The following PTPRD variants were observed in gnomAD, a reference collection of about 807,000 sequenced individuals.
PTPRD encodes the protein protein tyrosine phosphatase receptor type D, also known as receptor-type tyrosine-protein phosphatase delta.
PTPRD carries 34 observed loss-of-function variants against 214.5 expected under a neutral mutation model. The ratio of observed to expected loss-of-function variants is 0.16; its 90% CI spans 0.12 to 0.21. The LOEUF is 0.21. Among genes scored for constraint, PTPRD ranks in the 10% least tolerant of loss-of-function variants. PTPRD has a pLI of 1.00. For missense variants in PTPRD, 2,545 were observed against 2,398.7 expected (o/e 1.06, Z -1.27); for synonymous variants, 1,128 against 845.7 (o/e 1.33, Z -5.79).
At chr9:10,044,311 A>C (rs1398580538) in intron 3 of PTPRD, among the ~76,000 whole-genome samples, 1 of 151,860 alleles carries the variant, frequency 6.6e-6, no homozygotes, top group Non-Finnish European at 1.5e-5. Flanking sequence ...TAGAGGATAT[A>C]AATTATGCTA....
intron 12 of PTPRD, among the ~76,000 whole-genome samples, chr9:8,686,205 C>A (rs751908362): frequency 2.0e-5 from 3 of 152,174 alleles, no homozygotes; most frequent in African/African-American, 7.2e-5. Context: ...ACCTTTAAGA[C>A]ATCATGTTGT....
chr9:10,240,093 A>G (rs1048189396), intron 3 of PTPRD, among the ~76,000 whole-genome samples: 7 of 151,914 alleles, frequency 4.6e-5, no homozygotes, highest in African/African-American at 1.7e-4. Flanking sequence ...GTCCCACCCA[A>G]TCTATTAGCA....
intron 5 of PTPRD, among the ~76,000 whole-genome samples, chr9:9,788,450 G>T (rs1427217016): frequency 6.6e-6 from 1 of 151,086 alleles, no homozygotes; most frequent in African/African-American, 2.4e-5. Context: ...TGCTGGGGAG[G>T]CTGAGGCAGG....
chr9:9,649,389 T>C (rs1168913828), intron 7 of PTPRD, among the ~76,000 whole-genome samples: 3 of 152,176 alleles, frequency 2.0e-5, no homozygotes, highest in African/African-American at 7.2e-5. Flanking sequence ...AAAATTTGAA[T>C]GGCAGCAGTG....
intron 3 of PTPRD, among the ~76,000 whole-genome samples, chr9:10,187,779 C>T (rs1373904779): frequency 1.3e-5 from 2 of 152,178 alleles, no homozygotes; most frequent in African/African-American, 4.8e-5. Context: ...TTGTAGCTGA[C>T]CCCAGGACTT....
At chr9:9,338,661 T>A (rs961137687) in intron 9 of PTPRD, among the ~76,000 whole-genome samples, 1 of 152,168 alleles carries the variant, frequency 6.6e-6, no homozygotes, top group African/African-American at 2.4e-5. Flanking sequence ...CTTCTCATTA[T>A]CAATATTTGT....
At chr9:10,132,962 T>TGAAAAGC (rs753864227) in intron 3 of PTPRD, among the ~76,000 whole-genome samples, 3 of 151,632 alleles carry the variant, frequency 2.0e-5, no homozygotes, top group African/African-American at 4.8e-5. Context: ...AGATTGTTAT[T>TGAAAAGC]TTGTAGCTTC....
At chr9:9,293,979 C>T (rs1282457378) in intron 9 of PTPRD, among the ~76,000 whole-genome samples, 2 of 151,492 alleles carry the variant, frequency 1.3e-5, no homozygotes, top group African/African-American at 2.4e-5. Flanking sequence ...AGTACTCTTG[C>T]ACTTTGGGGT....
chr9:9,322,488 T>C (rs1966941660), intron 9 of PTPRD, among the ~76,000 whole-genome samples: 1 of 152,188 alleles, frequency 6.6e-6, no homozygotes, highest in African/African-American at 2.4e-5. Flanking sequence ...ACACCTTAAA[T>C]ATGTCACTAT....
chr9:10,372,940 C>T (rs545851786), intron 2 of PTPRD, among the ~76,000 whole-genome samples: 1 of 151,112 alleles, frequency 6.6e-6, no homozygotes, highest in Non-Finnish European at 1.5e-5. Context: ...TCAAGCAATT[C>T]TCCTGCCTCA....
At chr9:9,356,203 G>C (rs1252139161) in intron 9 of PTPRD, among the ~76,000 whole-genome samples, 3 of 151,290 alleles carry the variant, frequency 2.0e-5, no homozygotes, top group Non-Finnish European at 4.4e-5. Flanking sequence ...AGAGGAAATG[G>C]GGACAAGACA....
intron 3 of PTPRD, among the ~76,000 whole-genome samples, chr9:10,189,714 G>C (rs2099354037): frequency 6.6e-6 from 1 of 151,966 alleles, no homozygotes; most frequent in African/African-American, 2.4e-5. Flanking sequence ...TTTTAAAAGG[G>C]CAATTACAAG....
chr9:8,380,073 T>A (rs985557956), intron 37 of PTPRD, among the ~76,000 whole-genome samples: 1 of 152,098 alleles, frequency 6.6e-6, no homozygotes. Flanking sequence ...TTGATGACAT[T>A]CTGGATTTTT....
intron 35 of PTPRD, among the ~76,000 whole-genome samples, chr9:8,432,999 T>G (rs1335862015): frequency 6.6e-6 from 1 of 152,254 alleles, no homozygotes; most frequent in African/African-American, 2.4e-5. Context: ...TATCTTTACA[T>G]GTAGCATTTC....
intron 7 of PTPRD, among the ~76,000 whole-genome samples, chr9:9,717,085 C>T (rs1006164406): frequency 1.3e-4 from 19 of 151,990 alleles, no homozygotes; most frequent in Non-Finnish European, 2.5e-4. Context: ...CCAGTTTTCC[C>T]AGCACCATTT....
chr9:9,863,006 G>T (rs889831495), intron 5 of PTPRD, among the ~76,000 whole-genome samples: 6 of 152,062 alleles, frequency 3.9e-5, no homozygotes, highest in Non-Finnish European at 7.4e-5. Flanking sequence ...AAGAACAAAT[G>T]ACAATAGGAA....
At chr9:8,627,367 G>T (rs1381767487) in intron 14 of PTPRD, among the ~76,000 whole-genome samples, 1 of 151,710 alleles carries the variant, frequency 6.6e-6, no homozygotes, top group Non-Finnish European at 1.5e-5. Flanking sequence ...CAAACTCTCT[G>T]GACCTTGGCT....
intron 10 of PTPRD, among the ~76,000 whole-genome samples, chr9:9,023,771 G>T (rs1342561265): frequency 6.6e-6 from 1 of 151,922 alleles, no homozygotes; most frequent in African/African-American, 2.4e-5. Flanking sequence ...TTGGTTTCTT[G>T]TTCGTGAGTT....
chr9:10,010,360 TG>T (rs544868991), intron 4 of PTPRD, among the ~76,000 whole-genome samples: 72,821 of 151,536 alleles, frequency 0.48, 20,868 homozygotes, highest in Middle Eastern at 0.66. Flanking sequence ...TTTATATAAT[TG>T]CCTGTTTGCC....
Sources: gnomAD v4.1 joint callset for allele counts (sites outside exome capture counted in the v4.1 genomes callset) on GRCh38, gnomAD v4.1.1 for gene constraint, MANE v1.5 for transcripts, NCBI Gene and HGNC (gene_info 2026-07-23, HGNC 2026-07-21) for gene names.